Variants in IPCEF1 observed in about 807,000 individuals in gnomAD.
IPCEF1 encodes interactor protein for cytohesin exchange factors 1.
A neutral mutation model predicts 50.9 loss-of-function variants in IPCEF1; 31 were observed. That is an observed-to-expected ratio of 0.61 (90% CI 0.46 to 0.82). The LOEUF (loss-of-function observed/expected upper bound fraction) is 0.82. IPCEF1 is among the 40% of genes least tolerant of loss of function. The pLI is 0.00. For missense variants in IPCEF1, 458 were observed against 514.0 expected, an observed-to-expected ratio of 0.89 and a Z score of 1.05; for synonymous variants, 181 against 192.0, an observed-to-expected ratio of 0.94 and a Z score of 0.47.
At chr6:154,177,118 A>G (rs541738014) in intron 10 of IPCEF1, among the ~76,000 whole-genome samples, 1 of 152,316 alleles carries the variant, frequency 6.6e-6, no homozygotes, top group East Asian at 1.9e-4. Context: ...CCTTCCTTAC[A>G]CCTTATACAA....
At chr6:154,160,968 C>T (rs1798963733) in intron 11 of IPCEF1, among the ~76,000 whole-genome samples, 1 of 152,172 alleles carries the variant, frequency 6.6e-6, no homozygotes, top group Non-Finnish European at 1.5e-5. Flanking sequence ...CATGGATCCC[C>T]TTACACCCAA....
intron 9 of IPCEF1, among the ~76,000 whole-genome samples, chr6:154,200,508 G>T (rs1338638718): frequency 1.3e-5 from 2 of 152,154 alleles, no homozygotes; most frequent in African/African-American, 4.8e-5. Context: ...ATCACCTGAG[G>T]CCGGGAGTTT....
intron 3 of IPCEF1, among the ~76,000 whole-genome samples, chr6:154,248,708 C>G (rs1164646705): frequency 6.6e-6 from 1 of 151,742 alleles, no homozygotes; most frequent in Non-Finnish European, 1.5e-5. Context: ...GCTGTGGTGC[C>G]CAAGAAAATA....
At chr6:154,160,972 C>T (rs543364624) in intron 11 of IPCEF1, among the ~76,000 whole-genome samples, 2 of 152,298 alleles carry the variant, frequency 1.3e-5, no homozygotes, top group African/African-American at 4.8e-5. Context: ...GATCCCCTTA[C>T]ACCCAAGGCT....
At chr6:154,284,262 A>G (rs558394254) in intron 2 of IPCEF1, among the ~76,000 whole-genome samples, 2 of 152,364 alleles carry the variant, frequency 1.3e-5, no homozygotes, top group South Asian at 4.1e-4. Flanking sequence ...TAAAATATTA[A>G]AATAACTCAA....
chr6:154,320,400 A>T (rs1376670950), intron 1 of IPCEF1, among the ~76,000 whole-genome samples: 1 of 152,226 alleles, frequency 6.6e-6, no homozygotes, highest in Admixed American at 6.5e-5. Flanking sequence ...ATAAAAAGAG[A>T]TGAGACTCAA....
intron 5 of IPCEF1, among the ~76,000 whole-genome samples, chr6:154,241,370 T>TA (rs1417743502): frequency 6.6e-6 from 1 of 150,616 alleles, no homozygotes; most frequent in Admixed American, 6.6e-5. Flanking sequence ...AAATGAAAAC[T>TA]AAAAAACACA....
chr6:154,193,927 T>G (rs1001736049), intron 10 of IPCEF1, among the ~76,000 whole-genome samples: 37 of 151,294 alleles, frequency 2.4e-4, no homozygotes, highest in African/African-American at 9.0e-4. Flanking sequence ...TAGCATAGTA[T>G]TAAAAGGGAT....
chr6:154,311,962 T>C (rs1783088898), intron 1 of IPCEF1, among the ~76,000 whole-genome samples: 1 of 152,164 alleles, frequency 6.6e-6, no homozygotes, highest in South Asian at 2.1e-4. Flanking sequence ...AAATCCTGGA[T>C]ATTTACCCAA....
intron 1 of IPCEF1, among the ~76,000 whole-genome samples, chr6:154,317,005 T>C (rs1783236784): frequency 6.6e-6 from 1 of 152,168 alleles, no homozygotes. Flanking sequence ...GCTGAAACTA[T>C]AAAGCTTCCA....
intron 8 of IPCEF1, among the ~76,000 whole-genome samples, chr6:154,213,666 C>A (rs1331105123): frequency 6.6e-6 from 1 of 152,160 alleles, no homozygotes; most frequent in Non-Finnish European, 1.5e-5. Flanking sequence ...GCAGCTAAAT[C>A]CTCCCTCTTC....
intron 10 of IPCEF1, among the ~76,000 whole-genome samples, chr6:154,173,706 T>C (rs562874205): frequency 5.3e-5 from 8 of 152,318 alleles, no homozygotes; most frequent in African/African-American, 1.7e-4. Flanking sequence ...TTGGTGTAAC[T>C]GAAAGTGACG....
chr6:154,290,500 C>T (rs899186523), intron 1 of IPCEF1, among the ~76,000 whole-genome samples: 1 of 152,100 alleles, frequency 6.6e-6, no homozygotes, highest in African/African-American at 2.4e-5. Flanking sequence ...TTTTAATAAG[C>T]TCTCACTCCT....
chr6:154,216,789 A>T (rs1778430519), intron 7 of IPCEF1: 1 of 152,224 alleles, frequency 6.6e-6, no homozygotes, highest in South Asian at 2.1e-4. Flanking sequence ...AATCGCTTGA[A>T]CCCAGGAGGC....
intron 2 of IPCEF1, among the ~76,000 whole-genome samples, chr6:154,287,550 C>T (rs777021984): frequency 1.3e-4 from 20 of 152,208 alleles, no homozygotes; most frequent in Non-Finnish European, 2.5e-4. Flanking sequence ...CAAGGTCATA[C>T]AGATTGGTGT....
intron 7 of IPCEF1, among the ~76,000 whole-genome samples, 185 bp downstream of exon 7, chr6:154,221,072 C>G (rs1778828157): frequency 6.6e-6 from 1 of 152,206 alleles, no homozygotes; most frequent in Non-Finnish European, 1.5e-5. Flanking sequence ...ACATGTAATT[C>G]TCCAAACCGT....
chr6:154,189,695 G>A (rs755459138), intron 10 of IPCEF1, among the ~76,000 whole-genome samples: 33 of 151,882 alleles, frequency 2.2e-4, no homozygotes, highest in Non-Finnish European at 3.2e-4. Flanking sequence ...CGGGCCAGGC[G>A]CGGTGGCTGA....
chr6:154,311,797 T>C (rs1291065873), intron 1 of IPCEF1, among the ~76,000 whole-genome samples: 1 of 152,120 alleles, frequency 6.6e-6, no homozygotes. Flanking sequence ...AGATAACAAG[T>C]GTTGGTGAAG....
At chr6:154,294,975 C>G (rs1449506750) in intron 1 of IPCEF1, among the ~76,000 whole-genome samples, 2 of 152,060 alleles carry the variant, frequency 1.3e-5, no homozygotes, top group African/African-American at 4.8e-5. Context: ...AAGGCGGGCA[C>G]ATTATGAGGT....
Sources: gnomAD v4.1 joint callset for allele counts (sites outside exome capture counted in the v4.1 genomes callset) on GRCh38, gnomAD v4.1.1 for gene constraint, MANE v1.5 for transcripts, NCBI Gene and HGNC (gene_info 2026-07-23, HGNC 2026-07-21) for gene names.